Variants in RTN3 observed in about 807,000 individuals in gnomAD.
The protein encoded by RTN3 is reticulon-3.
RTN3 carries 49 observed loss-of-function variants against 77.8 expected under a neutral mutation model. The ratio of observed to expected loss-of-function variants is 0.63; its 90% CI spans 0.50 to 0.80. The LOEUF is 0.80. Among genes scored for constraint, RTN3 ranks in the 30% least tolerant of loss-of-function variants. The pLI, the probability that RTN3 is intolerant of heterozygous loss-of-function variation, is 0.00. For missense variants in RTN3, 1,236 were observed against 1,211.9 expected (o/e 1.02, Z -0.29); for synonymous variants, 464 against 446.9 (o/e 1.04, Z -0.48).
At chr11:63,727,346 A>T (rs545647708) in intron 3 of RTN3, among the ~76,000 whole-genome samples, 1 of 152,370 alleles carries the variant, frequency 6.6e-6, no homozygotes, top group East Asian at 1.9e-4. Context: ...GAGACAATCG[A>T]TAGAAACTAA....
intron 2 of RTN3, among the ~76,000 whole-genome samples, chr11:63,708,779 G>A (rs1942612228): frequency 6.6e-6 from 1 of 152,110 alleles, no homozygotes; most frequent in Non-Finnish European, 1.5e-5. Context: ...TTTGCTTATG[G>A]TTTCCTTTTT....
chr11:63,688,492 G>A (rs1286974056), intron 1 of RTN3, among the ~76,000 whole-genome samples: 1 of 152,114 alleles, frequency 6.6e-6, no homozygotes, highest in Non-Finnish European at 1.5e-5. Flanking sequence ...AAAGTGCTGG[G>A]ATTACAGGCG....
rs1339392169 is a variant in RTN3, at chr11:63,718,756, C to T, written c.254C>T (p.Ser85Phe). The stretch of plus-strand genomic sequence containing the variant: ...CCATCTTCAGAAATTATGACTTCTT[C>T]CTTTCTTTCATCTTCTGAAATACAT... Reference protein sequence around the residue: ...DEPSSEIMTSSFLSSSEIHNT... With the variant: ...DEPSSEIMTSFFLSSSEIHNT... Residue 85 changes from serine (S) to phenylalanine (F), a missense_variant, in exon 3 of 9, where the codon TCC becomes TTC. By Grantham distance (155) the Ser-to-Phe change is radical. This residue lies in a region of RTN3 where 1,056 missense variants were observed against 990.4 expected (regional missense o/e 1.07). Transcript: ENST00000377819. 1 of 1,606,050 alleles carries T rather than the reference C, an allele frequency of 6.2e-7. No individual in the cohort carries two copies. The highest frequency in any genetic ancestry group is 8.5e-7 in the Non-Finnish European group (1 of 1,178,102).
chr11:63,705,282 G>C (rs1267110580), intron 2 of RTN3, among the ~76,000 whole-genome samples: 4 of 152,182 alleles, frequency 2.6e-5, no homozygotes, highest in Non-Finnish European at 1.5e-5. Flanking sequence ...GAACTCATGA[G>C]TTTGAGACCA....
At chr11:63,694,606 A>T (rs919494128) in intron 1 of RTN3, among the ~76,000 whole-genome samples, 3 of 151,620 alleles carry the variant, frequency 2.0e-5, no homozygotes, top group African/African-American at 7.3e-5. Flanking sequence ...CGGAGTAGCT[A>T]GGACTGTAGG....
At chr11:63,708,103 A>G (rs1294470550) in intron 2 of RTN3, among the ~76,000 whole-genome samples, 1 of 152,132 alleles carries the variant, frequency 6.6e-6, no homozygotes, top group East Asian at 1.9e-4. Context: ...AGCTGTTGAT[A>G]CATAGTTGGT....
intron 1 of RTN3, among the ~76,000 whole-genome samples, chr11:63,694,541 C>T (rs191138056): frequency 1.7e-4 from 26 of 152,188 alleles, no homozygotes; most frequent in Non-Finnish European, 2.6e-4. Flanking sequence ...GGCATGATAT[C>T]GGCTCACTAC....
intron 2 of RTN3, among the ~76,000 whole-genome samples, chr11:63,706,206 G>A (rs1713047556): frequency 6.6e-6 from 1 of 151,770 alleles, no homozygotes; most frequent in Non-Finnish European, 1.5e-5. Flanking sequence ...TTTTGAGATA[G>A]GGTCTCACTC....
intron 1 of RTN3, among the ~76,000 whole-genome samples, chr11:63,695,674 C>T (rs1590788598): frequency 6.6e-6 from 1 of 152,282 alleles, no homozygotes; most frequent in Non-Finnish European, 1.5e-5. Flanking sequence ...TCCAGTCTAA[C>T]CATGAGAAAA....
At chr11:63,706,961 A>G (rs1372807837) in intron 2 of RTN3, among the ~76,000 whole-genome samples, 1 of 144,084 alleles carries the variant, frequency 6.9e-6, no homozygotes, top group Admixed American at 7.2e-5. Context: ...CATTGGTGTG[A>G]TCTCAGCTCA....
At position 63,750,266 on chromosome 11, in the gene RTN3, A is replaced by G. The variant is rs907345546; in HGVS notation, c.2738+68A>G. The G allele has an allele frequency of 3.8e-6, 5 of 1,306,628 alleles. No individual in the cohort carries two copies. The African/African-American group carries it at 5.8e-5, about 15-fold the overall frequency. The allele number at this position is 1,306,628 out of a possible 1,614,324, so 80.9% of individuals were successfully genotyped here. On this transcript the variant is annotated intron_variant, in intron 4 of 8. Transcript: ENST00000377819. ...AGGGTTCACTGAAGCTGATAGGTCT[A>G]AAACTCAGACCTGACTAAAAATCAA... is the stretch of plus-strand genomic sequence containing the variant.
rs568210467 is a variant in RTN3, at chr11:63,689,866, T to C, written c.142+8088T>C. 2.4e-3 allele frequency among the ~76,000 whole-genome samples: 364 copies of C among 152,238 alleles called. 4 individuals are homozygous for C. The highest frequency in any genetic ancestry group is 7.6e-3 in the African/African-American group (314 of 41,530). Reference sequence around the variant, plus strand: ...TCCGCCCCCCGGGTTCAAGCGATTCTCCTGCCTCAGCCCCCTGAGTAGGTG... The same window carrying C: ...TCCGCCCCCCGGGTTCAAGCGATTCCCCTGCCTCAGCCCCCTGAGTAGGTG... On this transcript the variant is annotated intron_variant, in intron 1 of 8. Coordinates refer to ENST00000377819, the MANE Select transcript of RTN3 (RefSeq NM_001265589.2).
At position 63,719,107 on chromosome 11, in the gene RTN3, A is replaced by C; in HGVS notation, c.605A>C (p.Asp202Ala). Residue 202 changes from aspartate (D) to alanine (A), a missense_variant, in exon 3 of 9, where the codon GAT (aspartate) becomes GCT (alanine). Physicochemically the swap from Asp to Ala is moderately radical, Grantham distance 126. This residue lies in a region of RTN3 where 1,056 missense variants were observed against 990.4 expected (regional missense o/e 1.07). Transcript: ENST00000377819. ...GAGGCTAAAACTGCATTGGATGCTG[A>C]TGACAGATTCACTTTGCTGACAGCC... ...SREAKTALDA[D>A]DRFTLLTAQK... 1 of 1,614,214 alleles carries C rather than the reference A, an allele frequency of 6.2e-7. No individual in the cohort carries two copies. Among genetic ancestry groups the C allele is most frequent in the Non-Finnish European group, 8.5e-7 (1 of 1,180,028 alleles).
chr11:63,704,359 A>AT (rs1241553267), intron 1 of RTN3, among the ~76,000 whole-genome samples: 1 of 152,100 alleles, frequency 6.6e-6, no homozygotes, highest in Admixed American at 6.6e-5. Context: ...TTCCCCATGG[A>AT]TTAATTGTGA....
At chr11:63,742,053 C>T (rs2013515033) in intron 3 of RTN3, among the ~76,000 whole-genome samples, 1 of 150,342 alleles carries the variant, frequency 6.7e-6, no homozygotes, top group African/African-American at 2.5e-5. Context: ...GATCTCAGCT[C>T]ACTGCAAGCT....
At chr11:63,686,617 G>A (rs1941389654) in intron 1 of RTN3, among the ~76,000 whole-genome samples, 1 of 152,126 alleles carries the variant, frequency 6.6e-6, no homozygotes, top group African/African-American at 2.4e-5. Context: ...TTGAGCTCAC[G>A]AGTTTGAGAC....
intron 2 of RTN3, among the ~76,000 whole-genome samples, chr11:63,706,716 TTTA>T (rs1339690996): frequency 6.6e-6 from 1 of 152,180 alleles, no homozygotes; most frequent in Non-Finnish European, 1.5e-5. Flanking sequence ...TGACAATATT[TTTA>T]TTTTTAAGGA....
chr11:63,701,450 G>A (rs1442499480), intron 1 of RTN3, among the ~76,000 whole-genome samples: 1 of 152,046 alleles, frequency 6.6e-6, no homozygotes, highest in East Asian at 1.9e-4. Context: ...TCTACATAAA[G>A]TATAATGAAA....
chr11:63,694,038 T>G (rs554151765), intron 1 of RTN3, among the ~76,000 whole-genome samples: 1 of 152,082 alleles, frequency 6.6e-6, no homozygotes, highest in Non-Finnish European at 1.5e-5. Context: ...GAGTATCACT[T>G]GGGCCCTCAA....
Sources: allele counts gnomAD v4.1 joint callset (sites outside exome capture counted in the v4.1 genomes callset), GRCh38; gene constraint gnomAD v4.1.1; regional missense constraint gnomAD v4.1.1; transcripts MANE v1.5; gene names NCBI Gene and HGNC (gene_info 2026-07-23, HGNC 2026-07-21).